Variants in HIPK2 observed in about 807,000 individuals in gnomAD.
HIPK2 encodes homeodomain interacting protein kinase 2, also known as homeodomain-interacting protein kinase 2.
A neutral mutation model predicts 113.7 loss-of-function variants in HIPK2; 27 were observed. That is an observed-to-expected ratio of 0.24 (90% CI 0.17 to 0.33). The LOEUF is 0.33. Ranked by LOEUF, HIPK2 falls within the 10% of genes least tolerant of loss-of-function variation. The probability of loss-of-function intolerance (pLI) is 1.00; values close to 1 mark genes in which losing one functional copy is unlikely to be tolerated. For synonymous variants in HIPK2, 631 were observed against 642.2 expected (o/e 0.98, Z 0.26); for missense variants, 1,257 against 1,588.0 (o/e 0.79, Z 3.54).
chr7:139,759,464 T>C (rs1796428334), intron 1 of HIPK2, among the ~76,000 whole-genome samples: 1 of 152,200 alleles, frequency 6.6e-6, no homozygotes, highest in Admixed American at 6.5e-5. Flanking sequence ...CCTACAAAAG[T>C]ATTAAATGAC....
intron 9 of HIPK2, among the ~76,000 whole-genome samples, chr7:139,608,617 C>G (rs1192854259): frequency 6.6e-6 from 1 of 152,104 alleles, no homozygotes; most frequent in Non-Finnish European, 1.5e-5. Context: ...AGTGCCCATG[C>G]TTTCAGCCAA....
rs1046289631 is a variant in HIPK2 at position 139,568,184 on chromosome 7, TGGGC to T, written c.*4739_*4742del. The T allele has an allele frequency of 1.3e-5, 2 of 152,250 alleles. No homozygotes were observed. Among genetic ancestry groups the T allele is most frequent in the Admixed American group, 1.3e-4 (2 of 15,274 alleles). 9.4% of individuals were successfully genotyped at this position (152,250 alleles called of 1,614,324 possible). A position where few individuals can be genotyped will look rare whatever the true frequency, so the allele number is the denominator to read the frequency against. On this transcript the variant is annotated 3_prime_UTR_variant, in exon 15 of 15. Transcript: ENST00000406875. ...TCCATCCGTCTCACACGTTGGTGTC[TGGGC>T]GGGCTGAGTCTTCTAGGTTGAAGAG... is the stretch of plus-strand genomic sequence containing the variant.
At chr7:139,750,455 T>C (rs922993843) in intron 1 of HIPK2, among the ~76,000 whole-genome samples, 5 of 152,340 alleles carry the variant, frequency 3.3e-5, no homozygotes, top group African/African-American at 1.2e-4. Flanking sequence ...CATCTATTCA[T>C]AAATATACAG....
At chr7:139,723,155 G>T (rs1350357308) in intron 1 of HIPK2, among the ~76,000 whole-genome samples, 1 of 150,576 alleles carries the variant, frequency 6.6e-6, no homozygotes, top group Non-Finnish European at 1.5e-5. Flanking sequence ...ATGATTTCTT[G>T]AAGTCTTAAC....
At chr7:139,626,459 T>C (rs1800433787) in intron 6 of HIPK2, 142 bp downstream of exon 6, 1 of 794,368 alleles carries the variant, frequency 1.3e-6, no homozygotes, top group African/African-American at 1.7e-5. Context: ...TGTTTATGTA[T>C]TGCATCTGTG....
At chr7:139,619,238 C>T (rs1038700024) in intron 7 of HIPK2, among the ~76,000 whole-genome samples, 9 of 152,162 alleles carry the variant, frequency 5.9e-5, no homozygotes, top group African/African-American at 2.2e-4. Context: ...CAGGAGGGAC[C>T]TTTCAAAAAG....
chr7:139,689,740 C>T (rs760798488), intron 2 of HIPK2, among the ~76,000 whole-genome samples: 1 of 152,186 alleles, frequency 6.6e-6, no homozygotes, highest in Non-Finnish European at 1.5e-5. Flanking sequence ...GCTCAGAAAT[C>T]CCAAGCTATG....
chr7:139,583,553 A>C (rs1380918109), intron 13 of HIPK2: 3 of 449,466 alleles, frequency 6.7e-6, no homozygotes, highest in Non-Finnish European at 1.2e-5. Flanking sequence ...ATTTTCTATT[A>C]ATCAACCTAG....
intron 2 of HIPK2, among the ~76,000 whole-genome samples, chr7:139,669,141 T>C (rs1313904775): frequency 6.6e-6 from 1 of 152,212 alleles, no homozygotes; most frequent in Admixed American, 6.5e-5. Context: ...ACTGAGGACT[T>C]ATCATTCTGG....
intron 2 of HIPK2, among the ~76,000 whole-genome samples, chr7:139,646,499 TAAAAAAA>T (rs57503855): frequency 1.7e-5 from 2 of 119,950 alleles, no homozygotes; most frequent in East Asian, 2.4e-4. Flanking sequence ...GACCTTGTCT[TAAAAAAA>T]AAAAAAAAAA....
At chr7:139,753,083 G>A (rs560344079) in intron 1 of HIPK2, among the ~76,000 whole-genome samples, 68 of 152,296 alleles carry the variant, frequency 4.5e-4, no homozygotes, top group Non-Finnish European at 8.2e-4. Context: ...GTAGTCAGAT[G>A]GGCATGGTTG....
intron 2 of HIPK2, among the ~76,000 whole-genome samples, chr7:139,698,240 A>G (rs1794617480): frequency 6.6e-6 from 1 of 152,240 alleles, no homozygotes; most frequent in Non-Finnish European, 1.5e-5. Context: ...TCTTTCACTT[A>G]GCATGATGTT....
In HIPK2 at chr7:139,688,490, C is replaced by T. The variant is rs368445462; in HGVS notation, c.1103+27442G>A. Among the ~76,000 whole-genome samples the T allele has an allele frequency of 1.2e-4, 18 of 152,260 alleles. No homozygotes were observed. In the East Asian group the frequency reaches 1.4e-3, roughly 11 times the overall value. Reference sequence around the variant, plus strand: ...CACTCCCTCAACTCTAGAGTCTGGGCCAATGTCAAGGGCCAAAAGGCAGGA... The same window carrying T: ...CACTCCCTCAACTCTAGAGTCTGGGTCAATGTCAAGGGCCAAAAGGCAGGA... On this transcript the variant is annotated intron_variant, in intron 2 of 14. Coordinates refer to ENST00000406875, the MANE Select transcript of HIPK2 (RefSeq NM_022740.5).
chr7:139,683,578 T>C lies in HIPK2; in HGVS notation c.1103+32354A>G, dbSNP rs1264664983. Among the ~76,000 whole-genome samples the C allele has an allele frequency of 6.6e-6, 1 of 152,136 alleles. No individual in the cohort carries two copies. ...TAATCTTGGAAGTGAAACACCGTCA[T>C]TTCTGCCAGATTCTCTGGGTCACAC... On this transcript the variant is annotated intron_variant, in intron 2 of 14. Transcript: ENST00000406875. The surrounding 1 kb of genome is among the most constrained non-coding windows in gnomAD (Gnocchi z 4.2).
In HIPK2 at chr7:139,654,496, G is replaced by C. The variant is rs1455799832; in HGVS notation, c.1104-22771C>G. Reference sequence around the variant, plus strand: ...CCACTGCACTCCACCCTGGACGACAGAGCAAGGCCCTATCTCAAAAACAAA... The same window carrying C: ...CCACTGCACTCCACCCTGGACGACACAGCAAGGCCCTATCTCAAAAACAAA... On this transcript the variant is annotated intron_variant, in intron 2 of 14. Coordinates refer to ENST00000406875, the MANE Select transcript of HIPK2 (RefSeq NM_022740.5). 2.0e-5 allele frequency among the ~76,000 whole-genome samples: 3 copies of C among 152,134 alleles called. No homozygotes were observed. The East Asian group carries it at 5.8e-4, about 29-fold the overall frequency.
intron 1 of HIPK2, among the ~76,000 whole-genome samples, chr7:139,752,898 A>G (rs892846008): frequency 6.6e-6 from 1 of 152,186 alleles, no homozygotes; most frequent in Non-Finnish European, 1.5e-5. Flanking sequence ...ACTTCTGCAC[A>G]TTAGATGTCA....
chr7:139,680,253 A>T (rs1179146579), intron 2 of HIPK2, among the ~76,000 whole-genome samples: 1 of 152,118 alleles, frequency 6.6e-6, no homozygotes, highest in Non-Finnish European at 1.5e-5. Flanking sequence ...CTGTCCCCCG[A>T]CTGCAGGACT....
chr7:139,709,926 C>T (rs1377824264), intron 2 of HIPK2, among the ~76,000 whole-genome samples: 1 of 152,190 alleles, frequency 6.6e-6, no homozygotes, highest in African/African-American at 2.4e-5. Context: ...ATCAAAGCAT[C>T]GGAAAAGTTA....
chr7:139,582,089 T>C (rs1798686594), intron 13 of HIPK2, among the ~76,000 whole-genome samples: 1 of 152,182 alleles, frequency 6.6e-6, no homozygotes, highest in African/African-American at 2.4e-5. Flanking sequence ...TGCTAGAGAA[T>C]GTTGCTTCCT....
Sources: gnomAD v4.1 joint callset for allele counts (sites outside exome capture counted in the v4.1 genomes callset) on GRCh38, gnomAD v4.1.1 for gene constraint, Gnocchi (gnomAD v3.1) non-coding constraint, MANE v1.5 for transcripts, NCBI Gene and HGNC (gene_info 2026-07-23, HGNC 2026-07-21) for gene names.